Variants in BTN3A2 observed in about 807,000 individuals in gnomAD.
The protein encoded by BTN3A2 is butyrophilin protein.
Under a neutral mutation model 37.6 loss-of-function variants are expected in BTN3A2, and 25 were observed. The ratio of observed to expected loss-of-function variants is 0.66; its 90% CI spans 0.48 to 0.93. The LOEUF is 0.93. Ranked by LOEUF, BTN3A2 falls within the 40% of genes least tolerant of loss-of-function variation. The probability of loss-of-function intolerance (pLI) is 0.00; values close to 1 mark genes in which losing one functional copy is unlikely to be tolerated. For synonymous variants in BTN3A2, 122 were observed against 159.4 expected, an observed-to-expected ratio of 0.77 and a Z score of 1.77; for missense variants, 266 against 410.9, an observed-to-expected ratio of 0.65 and a Z score of 3.05.
intron 8 of BTN3A2, 50 bp from the exon 9 acceptor site, chr6:26,374,277 C>T (rs1261989602): frequency 2.6e-6 from 3 of 1,164,184 alleles, no homozygotes; most frequent in Admixed American, 4.3e-5. Flanking sequence ...AAGGGGCCAA[C>T]ACAGAAAAGG....
intron 1 of BTN3A2, among the ~76,000 whole-genome samples, chr6:26,366,175 GAACA>G (rs1231009881): frequency 6.6e-6 from 1 of 151,640 alleles, no homozygotes; most frequent in Non-Finnish European, 1.5e-5. Flanking sequence ...GAAGAAAAAA[GAACA>G]AACAAACAAA....
Position 26,370,571 on chromosome 6 carries a change from G to A in BTN3A2, c.683G>A (p.Gly228Asp). The change falls in exon 5 of 11, where the codon GGC (glycine) becomes GAC (aspartate). Residue 228 changes from glycine (G) to aspartate (D), a missense_variant. By Grantham distance (94) the Gly-to-Asp change is moderately conservative. This residue lies in a region of BTN3A2 where 204 missense variants were observed against 232.6 expected (regional missense o/e 0.88). Coordinates refer to ENST00000377708, the MANE Select transcript of BTN3A2 (RefSeq NM_007047.5). ...VSCIIRNSLL[G>D]LEKTASISIA... ...TGCATCATCAGAAATTCCCTCCTCG[G>A]CCTGGAAAAGACAGCCAGCATTTCC... 2 of 1,614,214 alleles carry A rather than the reference G, an allele frequency of 1.2e-6. No homozygotes were observed. Among genetic ancestry groups the A allele is most frequent in the Non-Finnish European group, 1.7e-6 (2 of 1,180,040 alleles).
In BTN3A2 at chr6:26,365,426, G is replaced by A. The variant is rs373001244; in HGVS notation, c.-67+74G>A. Reference sequence around the variant, plus strand: ...GCGGGGCTGAATCGCTGAGAGTGGTGAGTGGGCATGCAGGGAGAGTACTCT... The same window carrying A: ...GCGGGGCTGAATCGCTGAGAGTGGTAAGTGGGCATGCAGGGAGAGTACTCT... On this transcript the variant is annotated intron_variant, in intron 1 of 10. Transcript: ENST00000377708. 8.1e-5 allele frequency: 122 copies of A among 1,500,438 alleles called. No individual in the cohort carries two copies. The Admixed American group carries it at 1.4e-3, about 17-fold the overall frequency. The allele number at this position is 1,500,438 out of a possible 1,614,324, so 92.9% of individuals were successfully genotyped here. A position where few individuals can be genotyped will look rare whatever the true frequency, so the allele number is the denominator to read the frequency against.
rs536957284 is a variant in BTN3A2, at chr6:26,371,061, T to C, written c.715+458T>C. Among the ~76,000 whole-genome samples the C allele has an allele frequency of 1.0e-3, 157 of 152,208 alleles. 3 individuals carry two copies. The highest frequency in any genetic ancestry group is 9.7e-4 in the Non-Finnish European group (66 of 68,000). On this transcript the variant is annotated intron_variant, in intron 5 of 10. Coordinates refer to ENST00000377708, the MANE Select transcript of BTN3A2 (RefSeq NM_007047.5). ...AGGCAGATCATTGAGGCCAGGAGTT[T>C]GAGACCTGCCTGGCCATGGTGAAAC...
chr6:26,369,461 T>G (rs1041983980), intron 4 of BTN3A2, among the ~76,000 whole-genome samples: 1 of 152,138 alleles, frequency 6.6e-6, no homozygotes, highest in Non-Finnish European at 1.5e-5. Context: ...TGGTATACAA[T>G]TTGGGCTTGT....
chr6:26,374,431 T>C (rs1029084708), intron 9 of BTN3A2, 58 bp downstream of exon 9: 9 of 1,497,540 alleles, frequency 6.0e-6, no homozygotes, highest in South Asian at 1.1e-5. Context: ...CTGTGACCCG[T>C]GGATGTTCTC....
In BTN3A2 at chr6:26,376,467, G is replaced by C. The variant is rs201645186; in HGVS notation, c.*705G>C. 276 of 1,007,042 alleles carry C rather than the reference G, an allele frequency of 2.7e-4. No individual in the cohort carries two copies. In the East Asian group the frequency reaches 7.6e-3, roughly 28 times the overall value. 62.4% of individuals were successfully genotyped at this position (1,007,042 alleles called of 1,614,324 possible). A position where few individuals can be genotyped will look rare whatever the true frequency, so the allele number is the denominator to read the frequency against. ...ACATTCAGGGCAGGCTAGGGACACG[G>C]GGTTCTGGAAGGACCTCCTCAGCAT... On this transcript the variant is annotated 3_prime_UTR_variant, in exon 11 of 11. Transcript: ENST00000377708.
chr6:26,368,445 G>C (rs1342048985), intron 3 of BTN3A2, 120 bp from the exon 4 acceptor site: 4 of 1,530,636 alleles, frequency 2.6e-6, no homozygotes, highest in African/African-American at 1.4e-5. Flanking sequence ...TGGTCCTTCT[G>C]TTAGGATTGT....
chr6:26,374,514 C>A, intron 9 of BTN3A2, 141 bp downstream of exon 9: 2 of 987,194 alleles, frequency 2.0e-6, no homozygotes, highest in Non-Finnish European at 3.1e-6. Context: ...TTTTCTGGAG[C>A]CTCTGAGAAA....
At position 26,377,214 on chromosome 6, in the gene BTN3A2, C is replaced by T. The variant is rs141246071; in HGVS notation, c.*1452C>T. 5.5e-3 allele frequency: 5,865 copies of T among 1,068,656 alleles called. 52 individuals carry two copies. Among genetic ancestry groups the T allele is most frequent in the African/African-American group, 0.036 (2,318 of 64,834 alleles). 66.2% of individuals were successfully genotyped at this position (1,068,656 alleles called of 1,614,324 possible). On this transcript the variant is annotated 3_prime_UTR_variant, in exon 11 of 11. Coordinates refer to ENST00000377708, the MANE Select transcript of BTN3A2 (RefSeq NM_007047.5). ...GCCTCAGGCTGAAGTAACATCTCTG[C>T]TTCTCCCTGCCCAGCCTGGAGCTAA...
intron 8 of BTN3A2, 46 bp from the exon 9 acceptor site, chr6:26,374,281 G>A: frequency 8.2e-7 from 1 of 1,216,648 alleles, no homozygotes; most frequent in Non-Finnish European, 1.1e-6. Flanking sequence ...GGCCAACACA[G>A]AAAAGGCAGA....
At position 26,377,607 on chromosome 6, in the gene BTN3A2, C is replaced by T. The variant is rs1316737813; in HGVS notation, c.*1845C>T. ...GCAGAGGCAGGGCAACATTAAGTAG[C>T]TTACATAACTCACACGGTAATTTGT... On this transcript the variant is annotated 3_prime_UTR_variant, in exon 11 of 11. Coordinates refer to ENST00000377708, the MANE Select transcript of BTN3A2 (RefSeq NM_007047.5). 4 of 202,412 alleles carry T rather than the reference C, an allele frequency of 2.0e-5. No homozygotes were observed. Among genetic ancestry groups the T allele is most frequent in the Non-Finnish European group, 2.1e-5 (2 of 97,516 alleles). The allele number at this position is 202,412 out of a possible 1,614,324, so 12.5% of individuals were successfully genotyped here.
chr6:26,369,243 G>A (rs1454639609), intron 4 of BTN3A2, among the ~76,000 whole-genome samples: 1 of 152,212 alleles, frequency 6.6e-6, no homozygotes, highest in Admixed American at 6.5e-5. Context: ...TGTAACAGAT[G>A]GCTTCTGTTG....
Position 26,375,986 on chromosome 6 carries a change from C to T in BTN3A2, c.*224C>T. On this transcript the variant is annotated 3_prime_UTR_variant, in exon 11 of 11. Coordinates refer to ENST00000377708, the MANE Select transcript of BTN3A2 (RefSeq NM_007047.5). Reference sequence around the variant, plus strand: ...CTTTGGAAGGCTGAGGAGGGCGGATCACAAGGTCAGGAGATCAAGACCATC... The same window carrying T: ...CTTTGGAAGGCTGAGGAGGGCGGATTACAAGGTCAGGAGATCAAGACCATC... The T allele has an allele frequency of 3.3e-6, 3 of 896,630 alleles. No homozygotes were observed. In the South Asian group the frequency reaches 5.4e-5, roughly 16 times the overall value. The allele number at this position is 896,630 out of a possible 1,614,324, so 55.5% of individuals were successfully genotyped here.
chr6:26,370,083 C>G (rs1303735612), intron 4 of BTN3A2, among the ~76,000 whole-genome samples: 1 of 152,210 alleles, frequency 6.6e-6, no homozygotes, highest in Non-Finnish European at 1.5e-5. Flanking sequence ...GTGTTCAAAA[C>G]AGCTTCCTCT....
At chr6:26,374,917 G>A in intron 10 of BTN3A2, 119 bp downstream of exon 10, 7 of 1,052,908 alleles carry the variant, frequency 6.6e-6, no homozygotes, top group South Asian at 1.6e-5. Context: ...CTTCCTTCGT[G>A]GGTAGGAAGA....
At chr6:26,367,791 T>C (rs1168577683) in intron 1 of BTN3A2, among the ~76,000 whole-genome samples, 199 bp from the exon 2 acceptor site, 1 of 152,164 alleles carries the variant, frequency 6.6e-6, no homozygotes, top group African/African-American at 2.4e-5. Flanking sequence ...GAGTCCATAG[T>C]GTTGGACACC....
chr6:26,375,941 T>C lies in BTN3A2; in HGVS notation c.*179T>C. On this transcript the variant is annotated 3_prime_UTR_variant, in exon 11 of 11. Coordinates refer to ENST00000377708, the MANE Select transcript of BTN3A2 (RefSeq NM_007047.5). ...AACCTCTGAGGGCCAGCACAGCAGC[T>C]CATGCCTGTAATCCTAGCACTTTGG... is the stretch of plus-strand genomic sequence containing the variant. 4 of 1,336,266 alleles carry C rather than the reference T, an allele frequency of 3.0e-6. No individual in the cohort carries two copies. Among genetic ancestry groups the C allele is most frequent in the Non-Finnish European group, 4.1e-6 (4 of 965,008 alleles). 82.8% of individuals were successfully genotyped at this position (1,336,266 alleles called of 1,614,324 possible).
At chr6:26,365,389 C>T in intron 1 of BTN3A2, 37 bp downstream of exon 1, 2 of 1,535,406 alleles carry the variant, frequency 1.3e-6, no homozygotes, top group South Asian at 1.2e-5. Context: ...TGGGCTACAA[C>T]GCATGGGAGG....
Sources: gnomAD v4.1 joint callset for allele counts (sites outside exome capture counted in the v4.1 genomes callset) on GRCh38, gnomAD v4.1.1 for gene constraint, gnomAD v4.1.1 regional missense constraint, MANE v1.5 for transcripts, NCBI Gene and HGNC (gene_info 2026-07-23, HGNC 2026-07-21) for gene names.